The following CDC42SE2 variants were observed in gnomAD, a reference collection of about 807,000 sequenced individuals.
CDC42SE2 encodes CDC42 small effector protein 2.
In CDC42SE2, 3 loss-of-function variants were observed where a neutral mutation model predicts 11.5. The ratio of observed to expected loss-of-function variants is 0.26; its 90% confidence interval spans 0.12 to 0.67. The LOEUF (loss-of-function observed/expected upper bound fraction) is 0.67. Among genes scored for constraint, CDC42SE2 ranks in the 30% least tolerant of loss-of-function variants. The pLI is 0.80. For synonymous variants in CDC42SE2, 33 were observed against 34.8 expected, an observed-to-expected ratio of 0.95 and a Z score of 0.18; for missense variants, 82 against 106.8, an observed-to-expected ratio of 0.77 and a Z score of 1.02.
chr5:131,340,272 C>T (rs1317142199), intron 2 of CDC42SE2, among the ~76,000 whole-genome samples: 3 of 152,146 alleles, frequency 2.0e-5, no homozygotes, highest in Admixed American at 6.5e-5. Context: ...TAAATTGCAG[C>T]CATTTTGAGT....
At chr5:131,281,055 G>T (rs946853531) in intron 1 of CDC42SE2, among the ~76,000 whole-genome samples, 33 of 152,050 alleles carry the variant, frequency 2.2e-4, no homozygotes, top group African/African-American at 7.5e-4. Flanking sequence ...TGGTTGTTTG[G>T]GTCGTTAAAT....
chr5:131,301,419 A>G (rs1757681054), intron 1 of CDC42SE2, among the ~76,000 whole-genome samples: 1 of 152,158 alleles, frequency 6.6e-6, no homozygotes, highest in Admixed American at 6.6e-5. Context: ...ATTTACTGAA[A>G]CATCACTATG....
At chr5:131,298,050 T>C (rs1199471743) in intron 1 of CDC42SE2, among the ~76,000 whole-genome samples, 1 of 152,112 alleles carries the variant, frequency 6.6e-6, no homozygotes, top group Non-Finnish European at 1.5e-5. Context: ...AAGTTATGCT[T>C]CCTGTTAGAG....
chr5:131,319,052 C>T (rs1420185535), intron 2 of CDC42SE2, among the ~76,000 whole-genome samples: 1 of 152,154 alleles, frequency 6.6e-6, no homozygotes, highest in Non-Finnish European at 1.5e-5. Flanking sequence ...CAGGTGCCCG[C>T]CACCACTCCT....
upstream of CDC42SE2, among the ~76,000 whole-genome samples, chr5:131,260,096 C>T (rs953908013): frequency 2.6e-5 from 4 of 152,182 alleles, no homozygotes; most frequent in African/African-American, 7.2e-5. Context: ...CTAAGGCTAA[C>T]GATTTTACTT....
intron 1 of CDC42SE2, among the ~76,000 whole-genome samples, chr5:131,279,457 C>G (rs912344796): frequency 2.1e-5 from 3 of 141,386 alleles, no homozygotes; most frequent in African/African-American, 5.2e-5. Flanking sequence ...GCCCTCCCCC[C>G]CCCCCTTTCA....
At chr5:131,294,508 G>A (rs1040041173) in intron 1 of CDC42SE2, among the ~76,000 whole-genome samples, 1 of 152,158 alleles carries the variant, frequency 6.6e-6, no homozygotes, top group African/African-American at 2.4e-5. Flanking sequence ...TTGTGTTTAT[G>A]GAGCCCTACA....
Position 131,298,437 on chromosome 5 carries a change from A to G in CDC42SE2, c.-454-17539A>G, listed in dbSNP as rs765587622. Among the ~76,000 whole-genome samples the G allele has an allele frequency of 2.0e-5, 3 of 151,300 alleles. No homozygotes were observed. In the Admixed American group the frequency reaches 2.0e-4, roughly 10 times the overall value. On this transcript the variant is annotated intron_variant, in intron 1 of 4. Transcript: ENST00000505065. ...GCGCCCGGCATCTTTAAAATATTTT[A>G]TGAATTTAGGTACCATAGAATCTTA...
At chr5:131,237,816 T>C in the CDC42SE2 span, among the ~76,000 whole-genome samples, 1 of 152,180 alleles carries the variant, frequency 6.6e-6, no homozygotes, top group Non-Finnish European at 1.5e-5. Context: ...TCCAAACTCC[T>C]AGCCTCAAGT....
intron 1 of CDC42SE2, among the ~76,000 whole-genome samples, chr5:131,310,162 G>T (rs1757872151): frequency 1.3e-5 from 2 of 151,782 alleles, no homozygotes; most frequent in Non-Finnish European, 2.9e-5. Context: ...GTTCTCGTTG[G>T]TTTCAAAGAA....
chr5:131,216,963 G>A, the CDC42SE2 span, among the ~76,000 whole-genome samples: 1 of 152,144 alleles, frequency 6.6e-6, no homozygotes, highest in African/African-American at 2.4e-5. Flanking sequence ...AGCTTAGACT[G>A]GGTGAATCAA....
intron 4 of CDC42SE2, among the ~76,000 whole-genome samples, chr5:131,386,094 C>G (rs1185590240): frequency 1.2e-4 from 19 of 152,188 alleles, no homozygotes. Flanking sequence ...CTTTTTGGCA[C>G]CAGGGACCAG....
chr5:131,378,751 A>C (rs1421365618), intron 3 of CDC42SE2, among the ~76,000 whole-genome samples: 1 of 152,216 alleles, frequency 6.6e-6, no homozygotes, highest in African/African-American at 2.4e-5. Flanking sequence ...CAACTTCTCA[A>C]ACTGTGGAAT....
rs868354688 is a variant in CDC42SE2 at position 131,318,900 on chromosome 5, T to G, written c.-286+2756T>G. On this transcript the variant is annotated intron_variant, in intron 2 of 4. Transcript: ENST00000505065. ...TGCAGGTTGGCAGATAATGCATTCT[T>G]TTTTTTCTTTTTTCTTTTTGAGACA... Among the ~76,000 whole-genome samples the G allele has an allele frequency of 3.9e-5, 6 of 152,104 alleles. No individual in the cohort carries two copies. In the South Asian group the frequency reaches 6.2e-4, roughly 16 times the overall value.
At chr5:131,236,704 G>A in the CDC42SE2 span, among the ~76,000 whole-genome samples, 1,634 of 152,266 alleles carry the variant, frequency 0.011, 30 homozygotes, top group African/African-American at 0.037. Context: ...GATTATAGGC[G>A]TGAACCATCA....
At chr5:131,249,266 C>A (rs1431325790) in intron 1 of CDC42SE2, among the ~76,000 whole-genome samples, 1 of 151,590 alleles carries the variant, frequency 6.6e-6, no homozygotes, top group Non-Finnish European at 1.5e-5. Flanking sequence ...AATCTGCCCA[C>A]CTCAGCCTTC....
chr5:131,353,511 G>C (rs1749420181), intron 2 of CDC42SE2, among the ~76,000 whole-genome samples: 1 of 152,108 alleles, frequency 6.6e-6, no homozygotes. Flanking sequence ...TGAACTCCTG[G>C]CCTCATGTAA....
At chr5:131,325,781 A>G (rs1040694476) in intron 2 of CDC42SE2, among the ~76,000 whole-genome samples, 2 of 152,216 alleles carry the variant, frequency 1.3e-5, no homozygotes, top group Non-Finnish European at 2.9e-5. Flanking sequence ...TTGCCTCCCT[A>G]CTATTCCATA....
chr5:131,292,799 C>T (rs1292263157), intron 1 of CDC42SE2, among the ~76,000 whole-genome samples: 1 of 149,836 alleles, frequency 6.7e-6, no homozygotes, highest in East Asian at 2.0e-4. Flanking sequence ...GTAGTCCCAG[C>T]TCCTTGGGAG....
Sources: gnomAD v4.1 joint callset for allele counts (sites outside exome capture counted in the v4.1 genomes callset) on GRCh38, gnomAD v4.1.1 for gene constraint, MANE v1.5 for transcripts, NCBI Gene and HGNC (gene_info 2026-07-23, HGNC 2026-07-21) for gene names.